The following VIT variants were observed in gnomAD, a reference collection of about 807,000 sequenced individuals.
VIT encodes the protein vitrin.
A neutral mutation model predicts 78.0 loss-of-function variants in VIT; 99 were observed. The ratio of observed to expected loss-of-function variants is 1.27; its 90% CI spans 1.08 to 1.50. The LOEUF (loss-of-function observed/expected upper bound fraction) is 1.50, where lower values mean the gene tolerates loss of function less well. Ranked by LOEUF, VIT falls within the 40% of genes most tolerant of loss-of-function variation. The pLI is 0.00. For missense variants in VIT, 1,126 were observed against 875.3 expected (o/e 1.29, Z -3.61); for synonymous variants, 374 against 334.3 (o/e 1.12, Z -1.29).
At chr2:36,723,907 T>C (rs1666667152) in intron 2 of VIT, among the ~76,000 whole-genome samples, 1 of 128,566 alleles carries the variant, frequency 7.8e-6, no homozygotes, top group African/African-American at 3.0e-5. Flanking sequence ...GCTGTGATCA[T>C]ACCACTGCAT....
intron 2 of VIT, among the ~76,000 whole-genome samples, chr2:36,717,335 TGTGTGTGTGTGTG>T (rs1396749308): frequency 0.078 from 126 of 1,620 alleles, no homozygotes; most frequent in African/African-American, 0.098. Context: ...GCCTGGCTAA[TGTGTGTGTGTGTG>T]TGTGTGTGTG....
intron 15 of VIT, 55 bp downstream of exon 15, chr2:36,809,040 G>A (rs1572584467): frequency 6.6e-7 from 1 of 1,517,810 alleles, no homozygotes. Flanking sequence ...GGGGCTTGGT[G>A]GGCCAGTGGG....
chr2:36,763,529 C>T (rs961932467), intron 6 of VIT, among the ~76,000 whole-genome samples: 4 of 147,668 alleles, frequency 2.7e-5, no homozygotes, highest in Non-Finnish European at 5.9e-5. Flanking sequence ...GTATTATGTT[C>T]AGTGAGGAAT....
intron 3 of VIT, among the ~76,000 whole-genome samples, chr2:36,740,776 A>G (rs368505287): frequency 2.0e-5 from 3 of 152,352 alleles, no homozygotes; most frequent in South Asian, 4.1e-4. Context: ...AGGAGGGAAA[A>G]TTGATTAGCA....
intron 1 of VIT, among the ~76,000 whole-genome samples, chr2:36,715,743 T>C (rs567003983): frequency 2.0e-5 from 3 of 152,174 alleles, no homozygotes; most frequent in Non-Finnish European, 4.4e-5. Flanking sequence ...TTAAATAATA[T>C]GCAGCAAAGT....
chr2:36,710,735 G>A (rs570482916), intron 1 of VIT, among the ~76,000 whole-genome samples: 114 of 152,112 alleles, frequency 7.5e-4, no homozygotes, highest in African/African-American at 2.6e-3. Flanking sequence ...TGTATCAATC[G>A]TTCATTCCTT....
At chr2:36,743,917 T>A (rs1221444274) in intron 4 of VIT, among the ~76,000 whole-genome samples, 1 of 152,112 alleles carries the variant, frequency 6.6e-6, no homozygotes, top group Non-Finnish European at 1.5e-5. Context: ...ACCCAGGAAG[T>A]GAGCATAGTA....
chr2:36,709,373 T>C (rs1665660155), intron 1 of VIT, among the ~76,000 whole-genome samples: 1 of 152,090 alleles, frequency 6.6e-6, no homozygotes, highest in Non-Finnish European at 1.5e-5. Flanking sequence ...CAAGAAATAG[T>C]CTCTACCTCA....
intron 3 of VIT, among the ~76,000 whole-genome samples, chr2:36,730,461 C>T (rs1359171087): frequency 6.6e-6 from 1 of 152,190 alleles, no homozygotes; most frequent in Non-Finnish European, 1.5e-5. Context: ...CAATTCATTG[C>T]CCAAAATGGC....
At chr2:36,809,473 A>C (rs1666991306) in intron 15 of VIT, among the ~76,000 whole-genome samples, 1 of 152,174 alleles carries the variant, frequency 6.6e-6, no homozygotes, top group Non-Finnish European at 1.5e-5. Flanking sequence ...GCTGTAGTGC[A>C]ACGGTGCCAT....
chr2:36,756,924 G>A (rs1241929500), intron 5 of VIT, among the ~76,000 whole-genome samples: 1 of 152,140 alleles, frequency 6.6e-6, no homozygotes, highest in Non-Finnish European at 1.5e-5. Context: ...GAGATGTTTT[G>A]GGCTTTTTAA....
At chr2:36,769,437 A>G (rs13001001) in intron 7 of VIT, among the ~76,000 whole-genome samples, 75,563 of 151,884 alleles carry the variant, frequency 0.5, 20,997 homozygotes, top group East Asian at 0.66. Flanking sequence ...CTCCTGGCCC[A>G]TCAGTGTTCC....
chr2:36,728,999 T>A (rs991943277), intron 2 of VIT, among the ~76,000 whole-genome samples: 3 of 152,114 alleles, frequency 2.0e-5, no homozygotes, highest in Non-Finnish European at 4.4e-5. Context: ...ATGCTAAGTG[T>A]CCTCTAAAGG....
chr2:36,805,750 C>G, intron 14 of VIT, 86 bp downstream of exon 14: 1 of 1,405,410 alleles, frequency 7.1e-7, no homozygotes, highest in Non-Finnish European at 9.7e-7. Context: ...TTTTCCCATG[C>G]CTTTAAATGT....
intron 12 of VIT, among the ~76,000 whole-genome samples, chr2:36,789,654 G>A (rs931533606): frequency 3.9e-5 from 6 of 152,142 alleles, no homozygotes; most frequent in African/African-American, 1.4e-4. Flanking sequence ...GTATGCATGA[G>A]AGCACACAGA....
intron 9 of VIT, among the ~76,000 whole-genome samples, chr2:36,776,471 A>G (rs1052843330): frequency 9.9e-5 from 15 of 152,194 alleles, no homozygotes; most frequent in African/African-American, 3.6e-4. Flanking sequence ...TAACGCTTAC[A>G]TTAAAATATA....
intron 6 of VIT, among the ~76,000 whole-genome samples, chr2:36,764,151 G>T (rs1669284160): frequency 6.6e-6 from 1 of 152,138 alleles, no homozygotes; most frequent in African/African-American, 2.4e-5. Context: ...ATAAGTTTTA[G>T]GTGGCAAAAA....
intron 3 of VIT, among the ~76,000 whole-genome samples, chr2:36,730,255 T>A (rs115968314): frequency 0.018 from 2,688 of 146,454 alleles, 72 homozygotes; most frequent in African/African-American, 0.063. Flanking sequence ...ACCACTGAAC[T>A]CCAGCCTGGG....
chr2:36,789,744 T>G (rs1054537615), intron 12 of VIT, among the ~76,000 whole-genome samples: 21 of 152,310 alleles, frequency 1.4e-4, no homozygotes, highest in African/African-American at 4.3e-4. Context: ...AAATCATCCC[T>G]GCACTCTTGG....
Sources: gnomAD v4.1 joint callset for allele counts (sites outside exome capture counted in the v4.1 genomes callset) on GRCh38, gnomAD v4.1.1 for gene constraint, MANE v1.5 for transcripts, NCBI Gene and HGNC (gene_info 2026-07-23, HGNC 2026-07-21) for gene names.